The following SNTG1 variants were observed in gnomAD, a reference collection of about 807,000 sequenced individuals.
The protein encoded by SNTG1 is gamma-1-syntrophin.
SNTG1 carries 39 observed loss-of-function variants against 74.7 expected under a neutral mutation model. The ratio of observed to expected loss-of-function variants is 0.52; its 90% confidence interval spans 0.40 to 0.68. The LOEUF (loss-of-function observed/expected upper bound fraction) is 0.68, where lower values mean the gene tolerates loss of function less well. SNTG1 is among the 30% of genes least tolerant of loss of function. SNTG1 has a pLI of 0.00. For missense variants in SNTG1, 685 were observed against 609.5 expected (o/e 1.12, Z -1.30); for synonymous variants, 254 against 217.1 (o/e 1.17, Z -1.49).
chr8:50,115,641 G>T (rs953097858), intron 1 of SNTG1, among the ~76,000 whole-genome samples: 2 of 151,088 alleles, frequency 1.3e-5, no homozygotes, highest in Admixed American at 1.3e-4. Context: ...TGCAGTTAAG[G>T]AGACAAGTGA....
chr8:50,339,235 T>A (rs1004685659), intron 2 of SNTG1, among the ~76,000 whole-genome samples: 1 of 152,072 alleles, frequency 6.6e-6, no homozygotes, highest in African/African-American at 2.4e-5. Context: ...GGAATGAAAC[T>A]CCTCAGTCAA....
chr8:50,022,299 G>T (rs1816896335), intron 1 of SNTG1, among the ~76,000 whole-genome samples: 1 of 152,200 alleles, frequency 6.6e-6, no homozygotes. Flanking sequence ...TGTGCAAAAT[G>T]CTTTGTGTTA....
intron 1 of SNTG1, among the ~76,000 whole-genome samples, chr8:50,105,938 T>G (rs554107644): frequency 1.5e-4 from 23 of 152,218 alleles, no homozygotes. Flanking sequence ...GGGTAATTAC[T>G]GTGGGGTTTT....
At chr8:50,671,757 C>A (rs536381591) in intron 15 of SNTG1, among the ~76,000 whole-genome samples, 6 of 151,738 alleles carry the variant, frequency 4.0e-5, no homozygotes, top group African/African-American at 1.2e-4. Flanking sequence ...ATGTTTATTG[C>A]GGCACTATTC....
At chr8:50,503,131 G>A (rs973386798) in intron 9 of SNTG1, among the ~76,000 whole-genome samples, 3 of 151,968 alleles carry the variant, frequency 2.0e-5, no homozygotes, top group South Asian at 2.1e-4. Flanking sequence ...TTAAAAATAG[G>A]CATATCAAAT....
chr8:50,436,703 T>A (rs1226560135), intron 4 of SNTG1, among the ~76,000 whole-genome samples: 1 of 152,180 alleles, frequency 6.6e-6, no homozygotes, highest in Non-Finnish European at 1.5e-5. Flanking sequence ...TTCTCTTTAA[T>A]GAACCATTTA....
At chr8:50,503,328 G>A (rs111628192) in intron 9 of SNTG1, among the ~76,000 whole-genome samples, 2,119 of 152,190 alleles carry the variant, frequency 0.014, 37 homozygotes, top group Non-Finnish European at 0.02. Context: ...AAAGTTATTT[G>A]TCAATTTTAT....
intron 18 of SNTG1, among the ~76,000 whole-genome samples, chr8:50,782,144 C>T (rs967997590): frequency 1.3e-5 from 2 of 152,120 alleles, no homozygotes; most frequent in Non-Finnish European, 2.9e-5. Flanking sequence ...AACATTTTTT[C>T]CTTCATTTCA....
chr8:50,667,492 G>A (rs1442305725), intron 15 of SNTG1, among the ~76,000 whole-genome samples: 1 of 151,946 alleles, frequency 6.6e-6, no homozygotes, highest in Non-Finnish European at 1.5e-5. Context: ...AACACAGAGG[G>A]AAGCATCACA....
chr8:50,663,221 A>G (rs2095233872), intron 15 of SNTG1, among the ~76,000 whole-genome samples: 3 of 152,126 alleles, frequency 2.0e-5, no homozygotes, highest in African/African-American at 7.2e-5. Flanking sequence ...AGCTGTAGTC[A>G]TCTTGGGTAT....
chr8:50,468,535 T>G (rs937809171), intron 8 of SNTG1, among the ~76,000 whole-genome samples: 4 of 152,168 alleles, frequency 2.6e-5, no homozygotes, highest in African/African-American at 9.6e-5. Flanking sequence ...AGTCTTCAAT[T>G]AAAATGGGTT....
chr8:50,310,314 A>G (rs768382240), intron 2 of SNTG1, among the ~76,000 whole-genome samples: 1 of 152,222 alleles, frequency 6.6e-6, no homozygotes, highest in Non-Finnish European at 1.5e-5. Context: ...TTAATTGCTA[A>G]CAAAAATTGC....
chr8:50,270,653 T>G (rs2130273528), intron 2 of SNTG1, among the ~76,000 whole-genome samples: 1 of 152,316 alleles, frequency 6.6e-6, no homozygotes, highest in East Asian at 1.9e-4. Context: ...CCTATTCAGG[T>G]CTCTGTTGTC....
At chr8:49,983,066 G>T (rs2130172851) in intron 1 of SNTG1, among the ~76,000 whole-genome samples, 1 of 152,292 alleles carries the variant, frequency 6.6e-6, no homozygotes, top group Non-Finnish European at 1.5e-5. Flanking sequence ...CCTACCCAAA[G>T]GATGCTTCAG....
intron 13 of SNTG1, among the ~76,000 whole-genome samples, chr8:50,616,101 G>A (rs2094883979): frequency 6.6e-6 from 1 of 152,174 alleles, no homozygotes; most frequent in African/African-American, 2.4e-5. Context: ...ATTATTAAGA[G>A]TAACTTGCTT....
chr8:50,315,869 C>T (rs2090297947), intron 2 of SNTG1, among the ~76,000 whole-genome samples: 1 of 152,102 alleles, frequency 6.6e-6, no homozygotes, highest in African/African-American at 2.4e-5. Flanking sequence ...CTGATAAGCA[C>T]ATGTCTACCT....
chr8:50,692,553 T>G (rs2095385969), intron 15 of SNTG1, among the ~76,000 whole-genome samples: 1 of 152,190 alleles, frequency 6.6e-6, no homozygotes, highest in Non-Finnish European at 1.5e-5. Flanking sequence ...CAGCGGTGGC[T>G]GCAGAACAGC....
At chr8:50,061,775 G>T (rs1429225910) in intron 1 of SNTG1, among the ~76,000 whole-genome samples, 3 of 152,004 alleles carry the variant, frequency 2.0e-5, no homozygotes, top group Non-Finnish European at 4.4e-5. Context: ...TAAGGTTTCA[G>T]TTATTTTCTT....
intron 13 of SNTG1, among the ~76,000 whole-genome samples, chr8:50,603,538 A>C (rs1206841009): frequency 6.6e-6 from 1 of 152,032 alleles, no homozygotes; most frequent in Non-Finnish European, 1.5e-5. Context: ...TTTTTGGAGA[A>C]GTTATGTTTT....
Sources: gnomAD v4.1 joint callset for allele counts (sites outside exome capture counted in the v4.1 genomes callset) on GRCh38, gnomAD v4.1.1 for gene constraint, MANE v1.5 for transcripts, NCBI Gene and HGNC (gene_info 2026-07-23, HGNC 2026-07-21) for gene names.